GDPD4: variants seen among roughly 807,000 people sequenced by gnomAD.
The protein encoded by GDPD4 is glycerophosphodiester phosphodiesterase domain containing 4.
Under a neutral mutation model 67.8 loss-of-function variants are expected in GDPD4, and 60 were observed. That is an observed-to-expected ratio of 0.88 (90% confidence interval 0.72 to 1.10). The LOEUF (loss-of-function observed/expected upper bound fraction) is 1.10. Among genes scored for constraint, GDPD4 ranks in the 50% least tolerant of loss-of-function variants. The probability of loss-of-function intolerance (pLI) is 0.00; values close to 1 mark genes in which losing one functional copy is unlikely to be tolerated. For missense variants in GDPD4, 623 were observed against 613.9 expected (o/e 1.01, Z -0.16); for synonymous variants, 212 against 210.9 (o/e 1.00, Z -0.04).
chr11:77,278,452 T>A (rs1347134596), intron 4 of GDPD4, among the ~76,000 whole-genome samples: 2 of 152,212 alleles, frequency 1.3e-5, no homozygotes, highest in Non-Finnish European at 2.9e-5. Context: ...AGTTATAACT[T>A]ATATCTCACA....
rs183754395 is a variant in GDPD4 at position 77,300,807 on chromosome 11, T to C, written c.-254+798A>G. ...AATTAAACACACAGAAACCTACGCA[T>C]GGTCAAAGAAAAATCACAATGGAAA... is the stretch of plus-strand genomic sequence containing the variant. On this transcript the variant is annotated intron_variant, in intron 1 of 16. Coordinates refer to ENST00000315938, the MANE Select transcript of GDPD4 (RefSeq NM_182833.3). Among the ~76,000 whole-genome samples, 237 of 152,226 alleles carry C rather than the reference T, an allele frequency of 1.6e-3. 1 individual carries two copies. The highest frequency in any genetic ancestry group is 2.1e-3 in the South Asian group (10 of 4,816).
intron 7 of GDPD4, among the ~76,000 whole-genome samples, chr11:77,270,657 C>T (rs1474987865): frequency 6.6e-6 from 1 of 152,076 alleles, no homozygotes; most frequent in Non-Finnish European, 1.5e-5. Context: ...TGTAGTGAGC[C>T]GAGATTGTGC....
At chr11:77,240,469 C>T (rs1239796206) in intron 13 of GDPD4, among the ~76,000 whole-genome samples, 1 of 152,088 alleles carries the variant, frequency 6.6e-6, no homozygotes, top group Non-Finnish European at 1.5e-5. Context: ...TATCTCATAC[C>T]ACATACAAAA....
chr11:77,238,323 C>T (rs1958600573), intron 13 of GDPD4, among the ~76,000 whole-genome samples: 2 of 152,166 alleles, frequency 1.3e-5, no homozygotes, highest in Admixed American at 1.3e-4. Context: ...GTGGCTCATG[C>T]CTGTAATCCC....
chr11:77,258,604 A>G, intron 10 of GDPD4, 62 bp from the exon 11 acceptor site: 1 of 1,516,710 alleles, frequency 6.6e-7, no homozygotes, highest in Non-Finnish European at 9.1e-7. Context: ...ACCTTGGTAG[A>G]CAGGCTCCCC....
At chr11:77,274,653 C>G (rs1317250977) in intron 5 of GDPD4, among the ~76,000 whole-genome samples, 1 of 152,170 alleles carries the variant, frequency 6.6e-6, no homozygotes, top group Non-Finnish European at 1.5e-5. Flanking sequence ...CAAAATAGAC[C>G]TCTTTTCTTT....
chr11:77,301,276 G>A (rs1454014850), intron 1 of GDPD4, among the ~76,000 whole-genome samples: 1 of 152,042 alleles, frequency 6.6e-6, no homozygotes, highest in Non-Finnish European at 1.5e-5. Flanking sequence ...CCTGCAATCT[G>A]TCCCATCTCA....
chr11:77,273,908 C>T (rs1043421375), intron 5 of GDPD4, among the ~76,000 whole-genome samples: 2 of 152,298 alleles, frequency 1.3e-5, no homozygotes, highest in African/African-American at 2.4e-5. Context: ...CCTTGAAAAG[C>T]ACTGTGGTGG....
intron 5 of GDPD4, 53 bp downstream of exon 5, chr11:77,276,108 G>T: frequency 1.5e-6 from 2 of 1,318,608 alleles, no homozygotes; most frequent in East Asian, 2.3e-5. Flanking sequence ...TTCAGGCCTG[G>T]TCTAAGGTTC....
rs544973192 is a variant in GDPD4, at chr11:77,243,620, A to G, written c.1241+74T>C. 2.9e-5 allele frequency: 37 copies of G among 1,260,304 alleles called. No individual in the cohort carries two copies. In the South Asian group the frequency reaches 4.4e-4, roughly 15 times the overall value. The allele number at this position is 1,260,304 out of a possible 1,614,324, so 78.1% of individuals were successfully genotyped here. On this transcript the variant is annotated intron_variant, in intron 13 of 16. Coordinates refer to ENST00000315938, the MANE Select transcript of GDPD4 (RefSeq NM_182833.3). ...ATTCCGAGATGGAAAGGGGAAGTTAAGAAGTTTAATTAGAATGTGTATTTT... is the reference window on the plus strand; with the variant it reads ...ATTCCGAGATGGAAAGGGGAAGTTAGGAAGTTTAATTAGAATGTGTATTTT...
At chr11:77,278,899 T>C (rs996518688) in intron 4 of GDPD4, among the ~76,000 whole-genome samples, 7 of 152,158 alleles carry the variant, frequency 4.6e-5, no homozygotes, top group African/African-American at 1.7e-4. Context: ...ATTTAACAAG[T>C]AAGCAAATTT....
chr11:77,257,576 C>CACAG (rs1959027933), intron 11 of GDPD4, among the ~76,000 whole-genome samples: 1 of 151,384 alleles, frequency 6.6e-6, no homozygotes, highest in Non-Finnish European at 1.5e-5. Flanking sequence ...CACACACACA[C>CACAG]ACACACACAC....
intron 5 of GDPD4, among the ~76,000 whole-genome samples, chr11:77,271,771 A>G (rs1218245902): frequency 6.6e-6 from 1 of 152,218 alleles, no homozygotes; most frequent in Non-Finnish European, 1.5e-5. Context: ...TATACTCAAT[A>G]CAATTATAAG....
intron 10 of GDPD4, among the ~76,000 whole-genome samples, chr11:77,263,026 G>A (rs1470981348): frequency 1.3e-5 from 2 of 151,800 alleles, no homozygotes; most frequent in African/African-American, 4.8e-5. Context: ...TCTATATGCA[G>A]CAAAAATATT....
At chr11:77,219,592 A>G (rs1010074070) in intron 16 of GDPD4, among the ~76,000 whole-genome samples, 3 of 152,216 alleles carry the variant, frequency 2.0e-5, no homozygotes, top group East Asian at 1.9e-4. Flanking sequence ...AGCTTTCTAC[A>G]TATGGCTAGC....
chr11:77,235,006 T>C (rs1958523382), intron 13 of GDPD4, among the ~76,000 whole-genome samples: 1 of 112,450 alleles, frequency 8.9e-6, no homozygotes, highest in African/African-American at 3.5e-5. Context: ...CTTGTCAATA[T>C]CTGTTTTTTT....
At chr11:77,244,321 C>T (rs1300470111) in intron 12 of GDPD4, among the ~76,000 whole-genome samples, 1 of 152,136 alleles carries the variant, frequency 6.6e-6, no homozygotes, top group Admixed American at 6.5e-5. Flanking sequence ...CGTGAGCCAC[C>T]GCGCCCAGCC....
chr11:77,281,820 T>C (rs1266281905), intron 3 of GDPD4, among the ~76,000 whole-genome samples: 1 of 152,084 alleles, frequency 6.6e-6, no homozygotes, highest in Non-Finnish European at 1.5e-5. Flanking sequence ...GAACAGACGT[T>C]ATTAGTCTGC....
At chr11:77,265,433 A>G (rs2602480) in intron 10 of GDPD4, among the ~76,000 whole-genome samples, 8,629 of 152,198 alleles carry the variant, frequency 0.057, 399 homozygotes, top group East Asian at 0.24. Context: ...CACTTTATCT[A>G]TATCTTTTCT....
Sources: gnomAD v4.1 joint callset for allele counts (sites outside exome capture counted in the v4.1 genomes callset) on GRCh38, gnomAD v4.1.1 for gene constraint, MANE v1.5 for transcripts, NCBI Gene and HGNC (gene_info 2026-07-23, HGNC 2026-07-21) for gene names.